SNTG2: variants seen among roughly 807,000 people sequenced by gnomAD.
SNTG2 encodes syntrophin gamma 2.
Under a neutral mutation model 70.9 loss-of-function variants are expected in SNTG2, and 74 were observed. That is an observed-to-expected ratio of 1.04 (90% CI 0.86 to 1.27). The LOEUF (loss-of-function observed/expected upper bound fraction) is 1.27. Ranked by LOEUF, SNTG2 falls within the 50% of genes most tolerant of loss-of-function variation. SNTG2 has a pLI of 0.00. For synonymous variants in SNTG2, 278 were observed against 273.8 expected, an observed-to-expected ratio of 1.02 and a Z score of -0.15; for missense variants, 717 against 690.7, an observed-to-expected ratio of 1.04 and a Z score of -0.43.
chr2:1,119,256 A>G (rs879486006), intron 4 of SNTG2, among the ~76,000 whole-genome samples: 5 of 152,192 alleles, frequency 3.3e-5, no homozygotes, highest in Non-Finnish European at 7.3e-5. Flanking sequence ...CATAATCACT[A>G]TGCTTGCTGT....
At chr2:1,135,730 A>C (rs1668342124) in intron 4 of SNTG2, among the ~76,000 whole-genome samples, 1 of 152,200 alleles carries the variant, frequency 6.6e-6, no homozygotes, top group African/African-American at 2.4e-5. Context: ...CTCAAAACAA[A>C]ACAAAAAAAC....
chr2:1,278,653 A>G (rs1263326920), intron 14 of SNTG2, among the ~76,000 whole-genome samples: 1 of 152,198 alleles, frequency 6.6e-6, no homozygotes, highest in Non-Finnish European at 1.5e-5. Context: ...AGTCAAGAAA[A>G]GAAATACCAA....
intron 16 of SNTG2, among the ~76,000 whole-genome samples, chr2:1,335,494 A>T (rs890008244): frequency 3.3e-5 from 5 of 152,216 alleles, no homozygotes; most frequent in Non-Finnish European, 5.9e-5. Flanking sequence ...TGAGGAAGTT[A>T]GAGCATTAAA....
intron 1 of SNTG2, among the ~76,000 whole-genome samples, chr2:1,009,183 A>G (rs1380421799): frequency 1.0e-5 from 1 of 97,540 alleles, no homozygotes. Context: ...GCTGGTTCTG[A>G]TACTGGTGTG....
chr2:1,098,465 A>G (rs1246526814), intron 4 of SNTG2, 55 bp downstream of exon 4: 1 of 1,528,486 alleles, frequency 6.5e-7, no homozygotes, highest in Admixed American at 1.7e-5. Flanking sequence ...TGAGATAACA[A>G]ATTACTGAAA....
intron 1 of SNTG2, among the ~76,000 whole-genome samples, chr2:965,638 G>A (rs761496341): frequency 1.3e-5 from 2 of 151,910 alleles, no homozygotes; most frequent in East Asian, 3.9e-4. Context: ...GGCTGCCCTC[G>A]GCTCGGGGGC....
rs1053766465 is a variant in SNTG2, at chr2:979,193, G to A, written c.72+28125G>A. Among the ~76,000 whole-genome samples the A allele has an allele frequency of 3.3e-5, 5 of 152,310 alleles. No homozygotes were observed. The East Asian group carries it at 9.6e-4, about 29-fold the overall frequency. The stretch of plus-strand genomic sequence containing the variant: ...GTATACTGGCTTTTGGGTTGGGGGG[G>A]TATTGACCTGGTTTGTGGTGAAAGC... On this transcript the variant is annotated intron_variant, in intron 1 of 16. Coordinates refer to ENST00000308624, the MANE Select transcript of SNTG2 (RefSeq NM_018968.4).
chr2:1,021,902 G>T (rs1194280858), intron 1 of SNTG2, among the ~76,000 whole-genome samples: 1 of 147,186 alleles, frequency 6.8e-6, no homozygotes, highest in Non-Finnish European at 1.5e-5. Flanking sequence ...AAAAGTGTGA[G>T]CCACCACACC....
chr2:1,074,976 G>A (rs891464061), intron 1 of SNTG2, among the ~76,000 whole-genome samples: 6 of 152,108 alleles, frequency 3.9e-5, no homozygotes, highest in Non-Finnish European at 4.4e-5. Context: ...GTTGGTCCAA[G>A]AATCAGATTT....
chr2:1,332,916 C>T (rs1558213909), intron 16 of SNTG2, among the ~76,000 whole-genome samples: 1 of 152,150 alleles, frequency 6.6e-6, no homozygotes, highest in African/African-American at 2.4e-5. Context: ...CGCCTACTCT[C>T]ACCACTTCTA....
Position 1,267,497 on chromosome 2 carries a change from G to T in SNTG2, c.1210G>T (p.Glu404Ter), listed in dbSNP as rs988552728. The part of the protein sequence containing the change: ...GHGKSHVFNV[E>*]LGSELAMWEK... ...TGGGAAGAGCCATGTTTTCAACGTG[G>T]AGCTTGGCAGCGAGCTGGCCATGTG... The change falls in exon 14 of 17, where the codon GAG becomes TAG. Residue 404 changes from glutamate (E) to a stop codon, truncating the protein, a stop_gained. Transcript: ENST00000308624. LOFTEE classifies it high-confidence loss of function. 1 of 1,613,810 alleles carries T rather than the reference G, an allele frequency of 6.2e-7. No homozygotes were observed. The highest frequency in any genetic ancestry group is 8.5e-7 in the Non-Finnish European group (1 of 1,179,908).
intron 1 of SNTG2, among the ~76,000 whole-genome samples, chr2:1,066,030 G>T (rs1243642537): frequency 2.0e-5 from 3 of 152,192 alleles, no homozygotes; most frequent in Non-Finnish European, 2.9e-5. Flanking sequence ...AAAAGAAATT[G>T]TGGTTTCAGA....
intron 8 of SNTG2, among the ~76,000 whole-genome samples, chr2:1,199,515 A>G (rs565246645): frequency 6.6e-6 from 1 of 152,210 alleles, no homozygotes; most frequent in African/African-American, 2.4e-5. Flanking sequence ...TGGAAGTCCT[A>G]GACAGAACAA....
intron 6 of SNTG2, among the ~76,000 whole-genome samples, chr2:1,155,005 A>C (rs569136901): frequency 0.01 from 826 of 80,862 alleles, 8 homozygotes; most frequent in African/African-American, 0.022. Flanking sequence ...CACACACACA[A>C]ACAACACATA....
At chr2:1,141,268 C>T (rs1028872869) in intron 6 of SNTG2, among the ~76,000 whole-genome samples, 2 of 152,176 alleles carry the variant, frequency 1.3e-5, no homozygotes, top group Non-Finnish European at 1.5e-5. Flanking sequence ...TGAAACAGGA[C>T]GTTACATCCT....
At chr2:1,310,310 G>A (rs1558196908) in intron 15 of SNTG2, among the ~76,000 whole-genome samples, 1 of 152,170 alleles carries the variant, frequency 6.6e-6, no homozygotes, top group Non-Finnish European at 1.5e-5. Flanking sequence ...ATCTGTACCT[G>A]TGTTGCTGTG....
At chr2:1,027,911 A>G (rs1227322058) in intron 1 of SNTG2, among the ~76,000 whole-genome samples, 3 of 136,392 alleles carry the variant, frequency 2.2e-5, no homozygotes, top group South Asian at 5.2e-4. Flanking sequence ...AAGCAGGTGC[A>G]TCTGACCCAC....
intron 1 of SNTG2, among the ~76,000 whole-genome samples, chr2:1,039,332 C>T (rs894440029): frequency 6.6e-5 from 10 of 152,150 alleles, no homozygotes; most frequent in African/African-American, 2.4e-4. Context: ...ATTTTAAATA[C>T]CGTTTAAGCA....
chr2:1,089,672 C>G (rs113980024), intron 2 of SNTG2, among the ~76,000 whole-genome samples: 1 of 152,252 alleles, frequency 6.6e-6, no homozygotes, highest in South Asian at 2.1e-4. Flanking sequence ...TGTTTGTGTA[C>G]GAGGGTGTGT....
Sources: gnomAD v4.1 joint callset for allele counts (sites outside exome capture counted in the v4.1 genomes callset) on GRCh38, gnomAD v4.1.1 for gene constraint, MANE v1.5 for transcripts, NCBI Gene and HGNC (gene_info 2026-07-23, HGNC 2026-07-21) for gene names.